The following CHSY3 variants were observed in gnomAD, a reference collection of about 807,000 sequenced individuals.
CHSY3 encodes chondroitin sulfate synthase 3.
A neutral mutation model predicts 67.2 loss-of-function variants in CHSY3; 35 were observed. The ratio of observed to expected loss-of-function variants is 0.52; its 90% CI spans 0.40 to 0.69. The LOEUF is 0.69. Ranked by LOEUF, CHSY3 falls within the 30% of genes least tolerant of loss-of-function variation. The pLI is 0.00. For synonymous variants in CHSY3, 474 were observed against 434.7 expected (o/e 1.09, Z -1.12); for missense variants, 1,069 against 1,138.5 (o/e 0.94, Z 0.88).
upstream of CHSY3, among the ~76,000 whole-genome samples, chr5:129,904,135 G>C (rs950936758): frequency 2.6e-5 from 4 of 152,086 alleles, no homozygotes; most frequent in African/African-American, 9.7e-5. Context: ...CGGGAGGCCA[G>C]CGGAGGGGCG....
At chr5:130,098,337 A>G (rs1390551867) in intron 2 of CHSY3, among the ~76,000 whole-genome samples, 1 of 152,178 alleles carries the variant, frequency 6.6e-6, no homozygotes, top group East Asian at 1.9e-4. Context: ...ATAACTTGGA[A>G]GGTATACACA....
intron 2 of CHSY3, among the ~76,000 whole-genome samples, chr5:129,989,477 A>G (rs1037666245): frequency 6.6e-6 from 1 of 151,904 alleles, no homozygotes; most frequent in African/African-American, 2.4e-5. Flanking sequence ...AACCACTCCC[A>G]TGGTTTTGTT....
intron 2 of CHSY3, among the ~76,000 whole-genome samples, chr5:130,046,917 A>G (rs1765170945): frequency 6.6e-6 from 1 of 151,944 alleles, no homozygotes; most frequent in African/African-American, 2.4e-5. Flanking sequence ...ATAAATTAAC[A>G]CATTAAATAT....
At chr5:130,011,652 G>C (rs548883743) in intron 2 of CHSY3, among the ~76,000 whole-genome samples, 1 of 152,034 alleles carries the variant, frequency 6.6e-6, no homozygotes, top group Non-Finnish European at 1.5e-5. Context: ...GAAATAAAAG[G>C]CATCCAAATA....
chr5:129,924,620 TG>T (rs1761035674), intron 2 of CHSY3, among the ~76,000 whole-genome samples: 1 of 147,920 alleles, frequency 6.8e-6, no homozygotes, highest in Admixed American at 6.8e-5. Flanking sequence ...CACTCCATCC[TG>T]GTGACAGAGT....
chr5:129,944,041 C>T (rs1383655876), intron 2 of CHSY3, among the ~76,000 whole-genome samples: 1 of 152,160 alleles, frequency 6.6e-6, no homozygotes, highest in Middle Eastern at 3.2e-3. Flanking sequence ...TTAGAGCTTC[C>T]ACTTGGAAAG....
intron 2 of CHSY3, among the ~76,000 whole-genome samples, chr5:130,049,507 C>T (rs917766188): frequency 6.6e-6 from 1 of 152,020 alleles, no homozygotes; most frequent in African/African-American, 2.4e-5. Context: ...ATAAGCAGCT[C>T]CTCAAAATTA....
At chr5:130,149,915 A>G (rs1367159858) in intron 2 of CHSY3, among the ~76,000 whole-genome samples, 1 of 152,210 alleles carries the variant, frequency 6.6e-6, no homozygotes, top group Non-Finnish European at 1.5e-5. Context: ...TTTATAAGCT[A>G]TTTGAAATAA....
intron 2 of CHSY3, among the ~76,000 whole-genome samples, chr5:130,109,112 T>C (rs928106236): frequency 1.3e-5 from 2 of 151,686 alleles, no homozygotes; most frequent in African/African-American, 4.8e-5. Context: ...ATAAAAGTTC[T>C]AATGGAAAGA....
intron 2 of CHSY3, among the ~76,000 whole-genome samples, chr5:129,999,134 T>G (rs1763642473): frequency 6.6e-6 from 1 of 151,500 alleles, no homozygotes; most frequent in African/African-American, 2.4e-5. Flanking sequence ...CTTTTTTTTT[T>G]TTTGTTTCCT....
chr5:130,089,715 A>C (rs999542975), intron 2 of CHSY3, among the ~76,000 whole-genome samples: 1 of 152,146 alleles, frequency 6.6e-6, no homozygotes, highest in African/African-American at 2.4e-5. Flanking sequence ...TATGTTTAGA[A>C]AACTGGATTT....
rs143323078 is a variant in CHSY3 at position 130,118,039 on chromosome 5, C to T, written c.1087-66190C>T. Among the ~76,000 whole-genome samples, 628 of 152,192 alleles carry T rather than the reference C, an allele frequency of 4.1e-3. 7 individuals carry two copies. The highest frequency in any genetic ancestry group is 0.035 in the South Asian group (169 of 4,814). The stretch of plus-strand genomic sequence containing the variant: ...TTGTTTAAAAGAACATGCCACTCCC[C>T]CTGCCCCTCTTGCTCCCTGTTTTTC... On this transcript the variant is annotated intron_variant, in intron 2 of 2. Coordinates refer to ENST00000305031, the MANE Select transcript of CHSY3 (RefSeq NM_175856.5).
At chr5:130,091,831 A>G (rs1159779126) in intron 2 of CHSY3, among the ~76,000 whole-genome samples, 2 of 152,142 alleles carry the variant, frequency 1.3e-5, no homozygotes, top group Admixed American at 6.6e-5. Flanking sequence ...TGCAGAGTTA[A>G]TTGTTATTTC....
chr5:130,019,584 T>G (rs1363594511), intron 2 of CHSY3, among the ~76,000 whole-genome samples: 1 of 152,222 alleles, frequency 6.6e-6, no homozygotes, highest in African/African-American at 2.4e-5. Context: ...CTAATTAGTC[T>G]GCTATGTTTA....
Position 130,185,809 on chromosome 5 carries a change from T to A in CHSY3, c.*18T>A. The A allele has an allele frequency of 1.3e-6, 2 of 1,508,180 alleles. No individual in the cohort carries two copies. Among genetic ancestry groups the A allele is most frequent in the Non-Finnish European group, 1.8e-6 (2 of 1,127,230 alleles). 93.4% of individuals were successfully genotyped at this position (1,508,180 alleles called of 1,614,324 possible). Reference sequence around the variant, plus strand: ...TCTCCTGACAGTCCAGGCAACACATTTTGCCTTTTTTAAGGGGAGTTTACC... The same window carrying A: ...TCTCCTGACAGTCCAGGCAACACATATTGCCTTTTTTAAGGGGAGTTTACC... On this transcript the variant is annotated 3_prime_UTR_variant, in exon 3 of 3. Transcript: ENST00000305031.
chr5:130,126,944 G>T (rs192352231), intron 2 of CHSY3, among the ~76,000 whole-genome samples: 3 of 152,234 alleles, frequency 2.0e-5, no homozygotes, highest in Admixed American at 2.0e-4. Context: ...TGAGTTTCTG[G>T]TGCTCATGGC....
intron 2 of CHSY3, among the ~76,000 whole-genome samples, chr5:130,087,336 C>T (rs1766680281): frequency 1.3e-5 from 2 of 152,314 alleles, no homozygotes; most frequent in African/African-American, 4.8e-5. Flanking sequence ...CTCACCACTC[C>T]TATTCAACAT....
intron 2 of CHSY3, among the ~76,000 whole-genome samples, chr5:130,039,055 G>T (rs1764935714): frequency 6.6e-6 from 1 of 152,066 alleles, no homozygotes; most frequent in African/African-American, 2.4e-5. Context: ...AAAATTAATA[G>T]ATTAGGGTTA....
intron 2 of CHSY3, among the ~76,000 whole-genome samples, chr5:129,967,179 G>A (rs1336204693): frequency 1.3e-5 from 2 of 151,728 alleles, no homozygotes; most frequent in East Asian, 1.9e-4. Context: ...AGTTTAATAT[G>A]CCCATGCCAC....
Sources: allele counts gnomAD v4.1 joint callset (sites outside exome capture counted in the v4.1 genomes callset), GRCh38; gene constraint gnomAD v4.1.1; transcripts MANE v1.5; gene names NCBI Gene and HGNC (gene_info 2026-07-23, HGNC 2026-07-21).